The following SYN3 variants were observed in gnomAD, a reference collection of about 807,000 sequenced individuals.
The protein encoded by SYN3 is synapsin III, also known as synapsin-3.
SYN3 carries 35 observed loss-of-function variants against 65.8 expected under a neutral mutation model. That is an observed-to-expected ratio of 0.53 (90% confidence interval 0.41 to 0.70). The LOEUF is 0.70. Ranked by LOEUF, SYN3 falls within the 30% of genes least tolerant of loss-of-function variation. The pLI, the probability that SYN3 is intolerant of heterozygous loss-of-function variation, is 0.00. For synonymous variants in SYN3, 270 were observed against 292.9 expected, an observed-to-expected ratio of 0.92 and a Z score of 0.80; for missense variants, 680 against 749.0, an observed-to-expected ratio of 0.91 and a Z score of 1.08.
chr22:32,921,844 A>G (rs1384538794), intron 4 of SYN3, among the ~76,000 whole-genome samples: 1 of 152,080 alleles, frequency 6.6e-6, no homozygotes, highest in African/African-American at 2.4e-5. Flanking sequence ...TAGGAGGAGG[A>G]GGGGGAGTAT....
intron 2 of SYN3, among the ~76,000 whole-genome samples, chr22:32,991,502 G>T (rs2052716443): frequency 6.6e-6 from 1 of 152,136 alleles, no homozygotes; most frequent in Non-Finnish European, 1.5e-5. Flanking sequence ...CTGCCTCAGA[G>T]GAGGCATCGG....
At chr22:32,974,090 A>C (rs1472596227) in intron 3 of SYN3, among the ~76,000 whole-genome samples, 2 of 152,308 alleles carry the variant, frequency 1.3e-5, no homozygotes, top group Middle Eastern at 3.4e-3. Flanking sequence ...CACCCAACTC[A>C]AAGTACCCAT....
chr22:32,624,851 T>G (rs535766072), intron 6 of SYN3, among the ~76,000 whole-genome samples: 4 of 152,308 alleles, frequency 2.6e-5, no homozygotes, highest in African/African-American at 7.2e-5. Context: ...GGTATTCTAG[T>G]CCTGCCCGCT....
At chr22:32,911,208 G>A (rs985229043) in intron 4 of SYN3, among the ~76,000 whole-genome samples, 22 of 152,192 alleles carry the variant, frequency 1.4e-4, no homozygotes, top group Non-Finnish European at 1.8e-4. Flanking sequence ...ACAGAAAGGA[G>A]GTATTTGGTT....
intron 3 of SYN3, among the ~76,000 whole-genome samples, chr22:32,933,123 G>A (rs770920040): frequency 2.6e-5 from 4 of 152,152 alleles, no homozygotes; most frequent in Non-Finnish European, 5.9e-5. Flanking sequence ...TTTTGGGGGT[G>A]ACAAGTCAAC....
intron 6 of SYN3, among the ~76,000 whole-genome samples, chr22:32,603,868 C>A (rs1407405737): frequency 6.6e-6 from 1 of 152,254 alleles, no homozygotes; most frequent in Admixed American, 6.5e-5. Context: ...TGCAGCACTG[C>A]CCAGTGGCGT....
At chr22:32,691,968 G>A (rs2060666650) in intron 6 of SYN3, among the ~76,000 whole-genome samples, 1 of 151,950 alleles carries the variant, frequency 6.6e-6, no homozygotes, top group East Asian at 1.9e-4. Flanking sequence ...GACCAGGGTT[G>A]GACCCTGGAG....
At chr22:32,529,875 T>C (rs1390579927) in intron 10 of SYN3, among the ~76,000 whole-genome samples, 3 of 152,158 alleles carry the variant, frequency 2.0e-5, no homozygotes, top group East Asian at 3.9e-4. Flanking sequence ...GCTCTGGACA[T>C]ATTAGGTTTT....
At chr22:32,680,921 A>G (rs1365153822) in intron 6 of SYN3, among the ~76,000 whole-genome samples, 2 of 152,230 alleles carry the variant, frequency 1.3e-5, no homozygotes, top group Non-Finnish European at 2.9e-5. Context: ...CTCTAGAAGA[A>G]AGCTGTGAAA....
intron 6 of SYN3, among the ~76,000 whole-genome samples, chr22:32,704,568 T>C (rs978396966): frequency 2.0e-5 from 3 of 152,220 alleles, no homozygotes; most frequent in Non-Finnish European, 4.4e-5. Flanking sequence ...TTTATATTCA[T>C]TTGGGTATAT....
At position 33,003,336 on chromosome 22, in the gene SYN3, T is replaced by C. The variant is rs901823570; in HGVS notation, c.311+3016A>G. Among the ~76,000 whole-genome samples, 28 of 152,060 alleles carry C rather than the reference T, an allele frequency of 1.8e-4. 1 individual carries two copies. Among genetic ancestry groups the C allele is most frequent in the Non-Finnish European group, 2.9e-5 (2 of 68,010 alleles). ...AGAAGACAGGAAAATATGGGAAAGT[T>C]TGGAACTTCCTAGAGGCTTGGAGGG... On this transcript the variant is annotated intron_variant, in intron 2 of 13. Transcript: ENST00000358763.
At chr22:32,791,626 G>C (rs1184261405) in intron 6 of SYN3, among the ~76,000 whole-genome samples, 3 of 151,158 alleles carry the variant, frequency 2.0e-5, no homozygotes, top group African/African-American at 7.3e-5. Context: ...AGAGTGGTGG[G>C]GTAGTTAAGA....
chr22:32,594,806 C>T, intron 7 of SYN3, among the ~76,000 whole-genome samples: 1 of 152,120 alleles, frequency 6.6e-6, no homozygotes, highest in East Asian at 1.9e-4. Context: ...CCTTTTTAGG[C>T]TGCCTGAAGG....
intron 1 of SYN3, among the ~76,000 whole-genome samples, chr22:33,028,200 T>C (rs1289286546): frequency 6.6e-6 from 1 of 151,990 alleles, no homozygotes; most frequent in Non-Finnish European, 1.5e-5. Context: ...CCCTTTCCCC[T>C]CCAGCACACT....
intron 1 of SYN3, among the ~76,000 whole-genome samples, chr22:33,007,383 T>C (rs990664410): frequency 2.0e-5 from 3 of 152,240 alleles, no homozygotes; most frequent in Admixed American, 6.5e-5. Flanking sequence ...TTTTTTCTTT[T>C]TCTTTCCTCT....
intron 3 of SYN3, among the ~76,000 whole-genome samples, chr22:32,941,835 G>A (rs576896441): frequency 9.8e-5 from 15 of 152,294 alleles, no homozygotes; most frequent in Non-Finnish European, 1.9e-4. Flanking sequence ...CCACGCCCAC[G>A]GAGCCTCGCT....
intron 4 of SYN3, among the ~76,000 whole-genome samples, chr22:32,879,268 C>G (rs953391959): frequency 7.2e-5 from 11 of 152,130 alleles, no homozygotes; most frequent in African/African-American, 2.7e-4. Context: ...ATTAATTATT[C>G]CATTTATTTA....
At position 32,507,825 on chromosome 22, in the gene SYN3, G is replaced by A. The variant is rs149602548; in HGVS notation, c.*5867C>T. ...ATTCATACAAAACCATATCCAGGCC[G>A]TCACCAATCATTCTACACAACAAAT... On this transcript the variant is annotated 3_prime_UTR_variant, in exon 14 of 14. Coordinates refer to ENST00000358763, the MANE Select transcript of SYN3 (RefSeq NM_003490.4). Among the ~76,000 whole-genome samples the A allele has an allele frequency of 0.04, 6,123 of 151,600 alleles. 424 individuals are homozygous for A. The highest frequency in any genetic ancestry group is 0.14 in the African/African-American group (5,815 of 41,120).
intron 6 of SYN3, among the ~76,000 whole-genome samples, chr22:32,597,202 CTCTTTTTTTT>C (rs2059213269): frequency 1.0e-5 from 1 of 95,604 alleles, no homozygotes; most frequent in African/African-American, 3.6e-5. Context: ...TTACATTATT[CTCTTTTTTTT>C]TTTTTTTTTT....
Sources: allele counts gnomAD v4.1 joint callset (sites outside exome capture counted in the v4.1 genomes callset), GRCh38; gene constraint gnomAD v4.1.1; transcripts MANE v1.5; gene names NCBI Gene and HGNC (gene_info 2026-07-23, HGNC 2026-07-21).